The following MAML3 variants were observed in gnomAD, a reference collection of about 807,000 sequenced individuals.
MAML3 encodes the protein mastermind-like protein 3.
Under a neutral mutation model 101.9 loss-of-function variants are expected in MAML3, and 27 were observed. The observed-to-expected ratio is 0.27, with a 90% CI of 0.20 to 0.37. The LOEUF (loss-of-function observed/expected upper bound fraction) is 0.37. Among genes scored for constraint, MAML3 ranks in the 10% least tolerant of loss-of-function variants. The pLI is 1.00. For synonymous variants in MAML3, 501 were observed against 555.9 expected, an observed-to-expected ratio of 0.90 and a Z score of 1.39; for missense variants, 1,316 against 1,444.9, an observed-to-expected ratio of 0.91 and a Z score of 1.45.
At position 140,139,135 on chromosome 4, in the gene MAML3, T is replaced by C. The variant is rs148301181; in HGVS notation, c.468+13725A>G. On this transcript the variant is annotated intron_variant, in intron 1 of 4. Transcript: ENST00000509479. ...AAAAATTTTAAAAATTAGCCGGGCA[T>C]GGTGGCAGGCACCTGTAGTCCCAGC... Among the ~76,000 whole-genome samples, 585 of 151,970 alleles carry C rather than the reference T, an allele frequency of 3.8e-3. 1 individual carries two copies. The highest frequency in any genetic ancestry group is 0.013 in the African/African-American group (535 of 41,458).
At chr4:139,886,747 GAAT>G (rs1732346023) in intron 2 of MAML3, among the ~76,000 whole-genome samples, 1 of 152,010 alleles carries the variant, frequency 6.6e-6, no homozygotes, top group Admixed American at 6.6e-5. Context: ...TGATCAAAAA[GAAT>G]AATATGTAAA....
chr4:139,864,893 T>A (rs1578637077), intron 2 of MAML3, among the ~76,000 whole-genome samples: 1 of 137,168 alleles, frequency 7.3e-6, no homozygotes, highest in Non-Finnish European at 1.6e-5. Flanking sequence ...TGGATAAAAA[T>A]ACATTTAGGA....
At chr4:139,893,023 T>G (rs189430147) in intron 1 of MAML3, among the ~76,000 whole-genome samples, 2 of 152,056 alleles carry the variant, frequency 1.3e-5, no homozygotes, top group Admixed American at 6.6e-5. Flanking sequence ...TGCCTCTCTA[T>G]TCAGCATCTC....
intron 2 of MAML3, among the ~76,000 whole-genome samples, chr4:139,810,028 A>G (rs1730768704): frequency 6.6e-6 from 1 of 152,132 alleles, no homozygotes; most frequent in Non-Finnish European, 1.5e-5. Context: ...TATAAAGGGA[A>G]GAGAAATAAA....
chr4:140,145,714 C>T lies in MAML3; in HGVS notation c.468+7146G>A, dbSNP rs865850941. On this transcript the variant is annotated intron_variant, in intron 1 of 4. Transcript: ENST00000509479. ...CCAAGTAGCTGGGATTATAGACATG[C>T]GCCACCACGCCCGGCTAATTTTTGT... Among the ~76,000 whole-genome samples the T allele has an allele frequency of 5.8e-4, 88 of 151,010 alleles. 1 individual carries two copies. Among genetic ancestry groups the T allele is most frequent in the African/African-American group, 9.0e-4 (37 of 41,070 alleles).
chr4:140,153,048 T>A lies in MAML3; in HGVS notation c.280A>T (p.Arg94Trp). 6.3e-7 allele frequency: 1 copy of A among 1,582,480 alleles called. No individual in the cohort carries two copies. Among genetic ancestry groups the A allele is most frequent in the Non-Finnish European group, 8.6e-7 (1 of 1,164,026 alleles). ...TGCTCCACCTGAGCCTGCTGGTACCTGTTCTCGCAGTTGACGTGGTGCCGA... is the reference window on the plus strand; with the variant it reads ...TGCTCCACCTGAGCCTGCTGGTACCAGTTCTCGCAGTTGACGTGGTGCCGA... ...CRRHHVNCEN[R>W]YQQAQVEQLE... The change falls in exon 1 of 5, where the codon AGG becomes TGG. Residue 94 changes from arginine to tryptophan, a missense_variant. Transcript: ENST00000509479.
intron 2 of MAML3, among the ~76,000 whole-genome samples, chr4:139,848,528 GCA>G (rs1355770869): frequency 6.6e-6 from 1 of 152,136 alleles, no homozygotes; most frequent in Non-Finnish European, 1.5e-5. Context: ...CTATTTTTGG[GCA>G]CTGTGAATTT....
At position 139,719,492 on chromosome 4, in the gene MAML3, G is replaced by A. The variant is rs1434705490; in HGVS notation, c.3248C>T (p.Ala1083Val). The stretch of plus-strand genomic sequence containing the variant: ...GTCCTGAGGGGCATTCCGCTCATAG[G>A]CTTGGCTCTGGCTGCTTGGAGCAAA... Reference protein sequence around the residue: ...GSFAPSSQSQAYERNAPQDVS... With the variant: ...GSFAPSSQSQVYERNAPQDVS... Residue 1083 changes from alanine to valine, a missense_variant, in exon 5 of 5, where the codon GCC becomes GTC. By Grantham distance (64) the Ala-to-Val change is moderately conservative. Transcript: ENST00000509479. 1 of 1,614,006 alleles carries A rather than the reference G, an allele frequency of 6.2e-7. No individual in the cohort carries two copies. Among genetic ancestry groups the A allele is most frequent in the Admixed American group, 1.7e-5 (1 of 60,026 alleles).
At chr4:139,830,373 A>G (rs6826902) in intron 2 of MAML3, among the ~76,000 whole-genome samples, 16,304 of 151,156 alleles carry the variant, frequency 0.11, 2,071 homozygotes, top group African/African-American at 0.31. Flanking sequence ...TCTAGTTCAT[A>G]TTAAAATAAT....
intron 1 of MAML3, among the ~76,000 whole-genome samples, chr4:140,039,297 T>C (rs997300248): frequency 6.6e-6 from 1 of 152,096 alleles, no homozygotes; most frequent in Non-Finnish European, 1.5e-5. Flanking sequence ...GACAGTCCTA[T>C]CATGTCCCAA....
In MAML3 at chr4:140,153,063, C is replaced by G; in HGVS notation, c.265G>C (p.Val89Leu). The change falls in exon 1 of 5, where the codon GTC becomes CTC. Residue 89 changes from valine (V) to leucine (L), a missense_variant. Transcript: ENST00000509479. ...TGCTGGTACCTGTTCTCGCAGTTGA[C>G]GTGGTGCCGACGGCAGCCCTCGATG... Reference protein sequence around the residue: ...QRIEGCRRHHVNCENRYQQAQ... With the variant: ...QRIEGCRRHHLNCENRYQQAQ... 1.3e-6 allele frequency: 2 copies of G among 1,570,208 alleles called. No homozygotes were observed. The highest frequency in any genetic ancestry group is 1.7e-6 in the Non-Finnish European group (2 of 1,157,454).
At chr4:139,783,218 C>T (rs143592503) in intron 2 of MAML3, among the ~76,000 whole-genome samples, 5 of 152,292 alleles carry the variant, frequency 3.3e-5, no homozygotes, top group South Asian at 4.1e-4. Flanking sequence ...CCTGTTGTTC[C>T]TATGTAAATG....
intron 1 of MAML3, among the ~76,000 whole-genome samples, chr4:140,049,380 C>T (rs118002617): frequency 6.6e-6 from 1 of 152,182 alleles, no homozygotes; most frequent in East Asian, 1.9e-4. Flanking sequence ...ATTGGTTCAG[C>T]TTTATGTGTG....
At position 139,785,217 on chromosome 4, in the gene MAML3, CT is replaced by C. The variant is rs1730285068; in HGVS notation, c.2080-54551del. 6.6e-6 allele frequency among the ~76,000 whole-genome samples: 1 copy of C among 152,224 alleles called. No homozygotes were observed. Among genetic ancestry groups the C allele is most frequent in the South Asian group, 2.1e-4 (1 of 4,836 alleles). ...TCAATGTCTGAACCACAGCCTGCCC[CT>C]CAGCTTCTGGGTCCTCCCACACGGT... On this transcript the variant is annotated intron_variant, in intron 2 of 4. Transcript: ENST00000509479. The surrounding 1 kb of genome is among the most constrained non-coding windows in gnomAD (Gnocchi z 4.3).
rs143687431 is a variant in MAML3, at chr4:139,867,309, C to T, written c.2079+22048G>A. ...TATTTTTCTGGTGATATTGCTGTAG[C>T]TTTCATTGCATTCTCAAAGGGATGT... On this transcript the variant is annotated intron_variant, in intron 2 of 4. Transcript: ENST00000509479. 7.2e-5 allele frequency among the ~76,000 whole-genome samples: 11 copies of T among 152,268 alleles called. No individual in the cohort carries two copies. The East Asian group carries it at 2.1e-3, about 29-fold the overall frequency.
intron 1 of MAML3, among the ~76,000 whole-genome samples, chr4:139,997,639 C>T (rs1176212528): frequency 1.3e-5 from 2 of 152,050 alleles, no homozygotes; most frequent in African/African-American, 4.8e-5. Context: ...TTGCCATTTT[C>T]AGTGCTATTT....
intron 2 of MAML3, among the ~76,000 whole-genome samples, chr4:139,814,025 AAC>A (rs70943442): frequency 0.017 from 2,505 of 145,094 alleles, 31 homozygotes; most frequent in African/African-American, 0.045. Context: ...CACAAACACA[AAC>A]ACACACACAC....
intron 2 of MAML3, among the ~76,000 whole-genome samples, chr4:139,816,442 G>A (rs981340607): frequency 6.6e-6 from 1 of 152,172 alleles, no homozygotes; most frequent in African/African-American, 2.4e-5. Context: ...TGAGCTTAGA[G>A]GCCAACTTAC....
rs564702888 is a variant in MAML3 at position 139,717,070 on chromosome 4, A to C, written c.*2253T>G. 1.3e-5 allele frequency: 2 copies of C among 151,980 alleles called. No homozygotes were observed. The highest frequency in any genetic ancestry group is 1.9e-4 in the East Asian group (1 of 5,188). The allele number at this position is 151,980 out of a possible 1,614,324, so 9.4% of individuals were successfully genotyped here. On this transcript the variant is annotated 3_prime_UTR_variant, in exon 5 of 5. Coordinates refer to ENST00000509479, the MANE Select transcript of MAML3 (RefSeq NM_018717.5). ...ATATTTATATGTATATTTTTTACAG[A>C]TAGTAGACCCAGTGATATCTGCAGT...
Sources: allele counts gnomAD v4.1 joint callset (sites outside exome capture counted in the v4.1 genomes callset), GRCh38; gene constraint gnomAD v4.1.1; non-coding constraint Gnocchi (gnomAD v3.1); transcripts MANE v1.5; gene names NCBI Gene and HGNC (gene_info 2026-07-23, HGNC 2026-07-21).